MAGI2: variants seen among roughly 807,000 people sequenced by gnomAD.
MAGI2 encodes membrane associated guanylate kinase, WW and PDZ domain containing 2, also known as membrane-associated guanylate kinase, WW and PDZ domain-containing protein 2.
MAGI2 carries 35 observed loss-of-function variants against 133.3 expected under a neutral mutation model. The observed-to-expected ratio is 0.26, with a 90% CI of 0.20 to 0.35. The LOEUF (loss-of-function observed/expected upper bound fraction) is 0.35, where lower values mean the gene tolerates loss of function less well. Among genes scored for constraint, MAGI2 ranks in the 10% least tolerant of loss-of-function variants. MAGI2 has a pLI of 1.00. For synonymous variants in MAGI2, 729 were observed against 710.6 expected (o/e 1.03, Z -0.41); for missense variants, 1,636 against 1,863.4 (o/e 0.88, Z 2.25).
intron 1 of MAGI2, among the ~76,000 whole-genome samples, chr7:79,276,210 G>C (rs1434037431): frequency 3.3e-5 from 5 of 152,166 alleles, no homozygotes; most frequent in Non-Finnish European, 7.3e-5. Context: ...TGACTCATGG[G>C]AGGAGGTCAA....
intron 2 of MAGI2, among the ~76,000 whole-genome samples, chr7:78,877,968 A>G (rs1795555381): frequency 6.6e-6 from 1 of 152,166 alleles, no homozygotes; most frequent in Non-Finnish European, 1.5e-5. Flanking sequence ...TTTTATACAT[A>G]TGTCTTATAT....
intron 9 of MAGI2, among the ~76,000 whole-genome samples, chr7:78,294,750 T>TAAGTA (rs1797062155): frequency 6.6e-6 from 1 of 152,146 alleles, no homozygotes; most frequent in African/African-American, 2.4e-5. Context: ...GGTACTACGC[T>TAAGTA]AAGTACGATG....
chr7:79,073,488 C>T (rs1815185219), intron 1 of MAGI2, among the ~76,000 whole-genome samples: 2 of 152,104 alleles, frequency 1.3e-5, no homozygotes, highest in African/African-American at 4.8e-5. Context: ...CCCTTGAAGA[C>T]TAAGTCTCTT....
chr7:78,781,588 C>T (rs1478507806), intron 2 of MAGI2, among the ~76,000 whole-genome samples: 1 of 151,956 alleles, frequency 6.6e-6, no homozygotes, highest in African/African-American at 2.4e-5. Context: ...GAACAACTTC[C>T]CTCTTCAAGA....
intron 2 of MAGI2, among the ~76,000 whole-genome samples, chr7:78,972,330 T>A (rs539010171): frequency 6.6e-6 from 1 of 152,024 alleles, no homozygotes; most frequent in South Asian, 2.1e-4. Context: ...TCAAAAAAAT[T>A]AATTCTTGTT....
rs951196699 is a variant in MAGI2 at position 78,942,152 on chromosome 7, C to G, written c.418+64938G>C. On this transcript the variant is annotated intron_variant, in intron 2 of 21. Coordinates refer to ENST00000354212, the MANE Select transcript of MAGI2 (RefSeq NM_012301.4). The stretch of plus-strand genomic sequence containing the variant: ...CAACATCCTCCTATGTAGCTTGATC[C>G]CAACAATAGAAGCCTCCAGATTCTG... Among the ~76,000 whole-genome samples, 13 of 152,072 alleles carry G rather than the reference C, an allele frequency of 8.5e-5. 1 individual carries two copies. The highest frequency in any genetic ancestry group is 7.4e-5 in the Non-Finnish European group (5 of 68,000).
chr7:79,375,776 G>A (rs1414813657), intron 1 of MAGI2, among the ~76,000 whole-genome samples: 3 of 151,868 alleles, frequency 2.0e-5, no homozygotes, highest in East Asian at 1.9e-4. Context: ...AGGCCAGTCT[G>A]AAAAATAGAG....
chr7:78,100,141 C>G (rs550210859), intron 20 of MAGI2, among the ~76,000 whole-genome samples: 1 of 152,254 alleles, frequency 6.6e-6, no homozygotes, highest in East Asian at 1.9e-4. Context: ...TAGGGCGTAA[C>G]TATGAGCCTA....
chr7:78,995,497 A>T (rs1410503034), intron 2 of MAGI2, among the ~76,000 whole-genome samples: 1 of 152,152 alleles, frequency 6.6e-6, no homozygotes, highest in East Asian at 1.9e-4. Context: ...TCATGTTAAG[A>T]TGAAAATAAC....
chr7:78,397,581 G>C (rs777743376), intron 6 of MAGI2, among the ~76,000 whole-genome samples: 17 of 152,118 alleles, frequency 1.1e-4, no homozygotes, highest in Non-Finnish European at 1.5e-4. Flanking sequence ...TGGCAGGCAG[G>C]AACTTAGAGC....
At position 78,624,926 on chromosome 7, in the gene MAGI2, C is replaced by T. The variant is rs143275211; in HGVS notation, c.538+2194G>A. On this transcript the variant is annotated intron_variant, in intron 3 of 21. Coordinates refer to ENST00000354212, the MANE Select transcript of MAGI2 (RefSeq NM_012301.4). ...TGTATTCCTTCTACTTATTAAAAAACGTTAACTGTTAAACAGCCTCGGGCA... is the reference window on the plus strand; with the variant it reads ...TGTATTCCTTCTACTTATTAAAAAATGTTAACTGTTAAACAGCCTCGGGCA... Among the ~76,000 whole-genome samples the T allele has an allele frequency of 1.9e-3, 286 of 152,044 alleles. 2 individuals are homozygous for T. The highest frequency in any genetic ancestry group is 6.5e-3 in the African/African-American group (268 of 41,490).
chr7:79,133,229 G>A (rs184816562), intron 1 of MAGI2, among the ~76,000 whole-genome samples: 2 of 152,140 alleles, frequency 1.3e-5, no homozygotes, highest in East Asian at 3.9e-4. Context: ...TGCCTATGCC[G>A]ATGTCTAGAA....
intron 6 of MAGI2, among the ~76,000 whole-genome samples, chr7:78,378,321 G>C (rs10257903): frequency 6.6e-6 from 1 of 151,150 alleles, no homozygotes; most frequent in Non-Finnish European, 1.5e-5. Flanking sequence ...GAAGAAAATA[G>C]AATAGAACTA....
At chr7:78,320,237 T>C (rs1420945655) in intron 9 of MAGI2, among the ~76,000 whole-genome samples, 3 of 151,874 alleles carry the variant, frequency 2.0e-5, no homozygotes, top group East Asian at 1.9e-4. Context: ...TCCCAAACAA[T>C]AGAAAAAGAA....
At chr7:78,406,254 C>G (rs1797362795) in intron 6 of MAGI2, among the ~76,000 whole-genome samples, 1 of 151,964 alleles carries the variant, frequency 6.6e-6, no homozygotes, top group South Asian at 2.1e-4. Flanking sequence ...TCCATGCCTC[C>G]AACTCTATTC....
intron 15 of MAGI2, among the ~76,000 whole-genome samples, chr7:78,161,802 G>A (rs547044066): frequency 4.6e-5 from 7 of 151,438 alleles, no homozygotes; most frequent in Admixed American, 6.6e-5. Flanking sequence ...GCTGTTGCTC[G>A]TTATTATTTG....
intron 2 of MAGI2, among the ~76,000 whole-genome samples, chr7:78,970,562 AT>A (rs111950150): frequency 9.9e-5 from 15 of 151,560 alleles, no homozygotes; most frequent in Admixed American, 3.3e-4. Flanking sequence ...TGGAAACTAC[AT>A]TTTTTTTTCC....
At chr7:78,201,477 T>C (rs1373820982) in intron 10 of MAGI2, among the ~76,000 whole-genome samples, 1 of 152,150 alleles carries the variant, frequency 6.6e-6, no homozygotes, top group Non-Finnish European at 1.5e-5. Flanking sequence ...TTGACAAGGC[T>C]CAAAACTCAG....
At chr7:78,557,694 T>C (rs1270328298) in intron 3 of MAGI2, among the ~76,000 whole-genome samples, 1 of 152,170 alleles carries the variant, frequency 6.6e-6, no homozygotes, top group Non-Finnish European at 1.5e-5. Context: ...GACAACCCCA[T>C]AGATATGGAA....
Sources: gnomAD v4.1 joint callset for allele counts (sites outside exome capture counted in the v4.1 genomes callset) on GRCh38, gnomAD v4.1.1 for gene constraint, MANE v1.5 for transcripts, NCBI Gene and HGNC (gene_info 2026-07-23, HGNC 2026-07-21) for gene names.